DOCK1: variants seen among roughly 807,000 people sequenced by gnomAD.
DOCK1 encodes the protein dedicator of cytokinesis 1.
DOCK1 carries 138 observed loss-of-function variants against 262.7 expected under a neutral mutation model. The ratio of observed to expected loss-of-function variants is 0.53; its 90% CI spans 0.46 to 0.61. DOCK1 has a LOEUF of 0.61. Among genes scored for constraint, DOCK1 ranks in the 20% least tolerant of loss-of-function variants. The probability of loss-of-function intolerance (pLI) is 0.00; values close to 1 mark genes in which losing one functional copy is unlikely to be tolerated. For synonymous variants in DOCK1, 866 were observed against 867.4 expected (o/e 1.00, Z 0.03); for missense variants, 1,908 against 2,370.7 (o/e 0.80, Z 4.05).
intron 31 of DOCK1, among the ~76,000 whole-genome samples, chr10:127,345,919 A>G (rs1249403652): frequency 6.6e-6 from 1 of 152,206 alleles, no homozygotes; most frequent in African/African-American, 2.4e-5. Context: ...TGCAGACGGT[A>G]GTGACCAACA....
chr10:127,113,633 C>G (rs1483927510), intron 25 of DOCK1, among the ~76,000 whole-genome samples: 2 of 152,160 alleles, frequency 1.3e-5, no homozygotes, highest in Non-Finnish European at 2.9e-5. Flanking sequence ...CCATTTCTCT[C>G]TCTTGGAGAA....
intron 1 of DOCK1, among the ~76,000 whole-genome samples, chr10:126,934,927 G>A (rs983438039): frequency 0.075 from 11,441 of 152,036 alleles, 512 homozygotes; most frequent in South Asian, 0.12. Flanking sequence ...TGGCTAACAC[G>A]GTGAAACCCT....
At chr10:127,400,779 C>T (rs978107349) in intron 38 of DOCK1, among the ~76,000 whole-genome samples, 8 of 152,266 alleles carry the variant, frequency 5.3e-5, no homozygotes, top group African/African-American at 1.7e-4. Context: ...AATCCTCACC[C>T]ACCTCCCACC....
At chr10:127,236,409 C>G (rs2059056732) in intron 27 of DOCK1, among the ~76,000 whole-genome samples, 1 of 143,584 alleles carries the variant, frequency 7.0e-6, no homozygotes, top group Non-Finnish European at 1.5e-5. Flanking sequence ...CATCCTCCTT[C>G]CTTCCCTTCC....
chr10:127,240,068 A>C (rs1445422979), intron 27 of DOCK1, among the ~76,000 whole-genome samples: 1 of 152,136 alleles, frequency 6.6e-6, no homozygotes, highest in Non-Finnish European at 1.5e-5. Context: ...AATTACTGCC[A>C]CTATAAAAAT....
chr10:126,960,163 C>A (rs1466443682), intron 1 of DOCK1, among the ~76,000 whole-genome samples: 2 of 152,142 alleles, frequency 1.3e-5, no homozygotes, highest in African/African-American at 4.8e-5. Context: ...GTTTTACTGC[C>A]TTGACTTCCT....
intron 30 of DOCK1, among the ~76,000 whole-genome samples, chr10:127,342,495 T>C (rs1014859982): frequency 1.3e-5 from 2 of 152,158 alleles, no homozygotes; most frequent in Non-Finnish European, 2.9e-5. Flanking sequence ...GGTTATTCTG[T>C]GGTGATCAAA....
intron 22 of DOCK1, among the ~76,000 whole-genome samples, chr10:127,057,471 C>A (rs2045238989): frequency 6.6e-6 from 1 of 152,236 alleles, no homozygotes; most frequent in African/African-American, 2.4e-5. Flanking sequence ...AACTTACTAT[C>A]TTTCTTGCTA....
chr10:127,247,994 T>C lies in DOCK1; in HGVS notation c.2848-14T>C. The C allele has an allele frequency of 6.2e-7, 1 of 1,612,516 alleles. No homozygotes were observed. The highest frequency in any genetic ancestry group is 2.2e-5 in the East Asian group (1 of 44,856). ...CTCTGTCTCATCTAATTCTATCTTT[T>C]GATTCATTTACAGGGAAACTTCGTG... On this transcript the variant is annotated splice_polypyrimidine_tract_variant and intron_variant, in intron 27 of 51. Transcript: ENST00000623213.
chr10:127,418,575 G>A, intron 45 of DOCK1, 34 bp downstream of exon 45: 2 of 1,593,386 alleles, frequency 1.3e-6, no homozygotes, highest in Non-Finnish European at 1.7e-6. Context: ...TGGGCAAGCA[G>A]TCCTGCCCGG....
At chr10:126,977,347 G>C (rs1180872092) in intron 2 of DOCK1, among the ~76,000 whole-genome samples, 1 of 152,206 alleles carries the variant, frequency 6.6e-6, no homozygotes, top group African/African-American at 2.4e-5. Context: ...GAAGGAGCGA[G>C]AAGTGGAGCC....
intron 29 of DOCK1, among the ~76,000 whole-genome samples, chr10:127,292,890 A>C (rs2061392896): frequency 6.6e-6 from 1 of 152,078 alleles, no homozygotes; most frequent in East Asian, 1.9e-4. Flanking sequence ...CTGTCTCCTG[A>C]TCACCAGTTT....
chr10:127,003,528 T>C (rs1262608173), intron 10 of DOCK1, among the ~76,000 whole-genome samples: 2 of 152,222 alleles, frequency 1.3e-5, no homozygotes, highest in Non-Finnish European at 2.9e-5. Flanking sequence ...TTTGCCTGGC[T>C]CCACTACATG....
intron 29 of DOCK1, among the ~76,000 whole-genome samples, chr10:127,337,308 T>C (rs1361153025): frequency 6.6e-6 from 1 of 152,146 alleles, no homozygotes; most frequent in African/African-American, 2.4e-5. Context: ...CTCTAGCTCA[T>C]ACTTTGTACT....
intron 29 of DOCK1, among the ~76,000 whole-genome samples, chr10:127,260,867 G>GTCCC (rs2060021537): frequency 1.7e-5 from 2 of 118,772 alleles, no homozygotes; most frequent in Non-Finnish European, 3.6e-5. Flanking sequence ...ATCTGTGTGT[G>GTCCC]TGCATGTGTG....
intron 1 of DOCK1, among the ~76,000 whole-genome samples, chr10:126,963,928 G>A (rs1255500246): frequency 6.6e-6 from 1 of 152,106 alleles, no homozygotes; most frequent in African/African-American, 2.4e-5. Flanking sequence ...GGTCGTAGAA[G>A]CTTGGTGATG....
At chr10:127,391,574 C>T (rs1354432718) in intron 38 of DOCK1, among the ~76,000 whole-genome samples, 4 of 150,836 alleles carry the variant, frequency 2.7e-5, no homozygotes, top group Non-Finnish European at 5.9e-5. Flanking sequence ...GGATAAGTCA[C>T]GTTTGCTCCT....
intron 4 of DOCK1, among the ~76,000 whole-genome samples, chr10:126,985,066 T>G (rs2039279571): frequency 1.3e-5 from 2 of 148,542 alleles, no homozygotes; most frequent in South Asian, 4.3e-4. Flanking sequence ...CTGCAACCTC[T>G]GCCTCCTGCG....
intron 2 of DOCK1, among the ~76,000 whole-genome samples, chr10:126,973,824 C>CT (rs1238799861): frequency 6.6e-6 from 1 of 152,030 alleles, no homozygotes; most frequent in Non-Finnish European, 1.5e-5. Context: ...TTTTCTTTTT[C>CT]TTTCCTTGGC....
Sources: gnomAD v4.1 joint callset for allele counts (sites outside exome capture counted in the v4.1 genomes callset) on GRCh38, gnomAD v4.1.1 for gene constraint, MANE v1.5 for transcripts, NCBI Gene and HGNC (gene_info 2026-07-23, HGNC 2026-07-21) for gene names.